Variants in SLC16A9 observed in about 807,000 individuals in gnomAD.
SLC16A9 encodes the protein monocarboxylate transporter 9.
SLC16A9 carries 26 observed loss-of-function variants against 44.3 expected under a neutral mutation model. The ratio of observed to expected loss-of-function variants is 0.59; its 90% CI spans 0.43 to 0.81. The LOEUF (loss-of-function observed/expected upper bound fraction) is 0.81, where lower values mean the gene tolerates loss of function less well. Among genes scored for constraint, SLC16A9 ranks in the 40% least tolerant of loss-of-function variants. The pLI is 0.00. For missense variants in SLC16A9, 559 were observed against 595.8 expected (o/e 0.94, Z 0.64); for synonymous variants, 230 against 225.1 (o/e 1.02, Z -0.19).
intron 1 of SLC16A9, among the ~76,000 whole-genome samples, chr10:59,694,310 G>A (rs769675670): frequency 6.6e-6 from 1 of 152,106 alleles, no homozygotes; most frequent in Non-Finnish European, 1.5e-5. Flanking sequence ...CAGAAATCAA[G>A]ATGGGATTAA....
At chr10:59,664,179 T>C (rs748049512) in intron 4 of SLC16A9, 48 bp downstream of exon 4, 3 of 1,374,642 alleles carry the variant, frequency 2.2e-6, no homozygotes, top group East Asian at 4.8e-5. Context: ...TTTTACTTTG[T>C]TTAGAAGACT....
intron 2 of SLC16A9, among the ~76,000 whole-genome samples, chr10:59,678,890 G>A (rs1433618610): frequency 6.6e-6 from 1 of 152,112 alleles, no homozygotes; most frequent in African/African-American, 2.4e-5. Flanking sequence ...CAATGCAACA[G>A]AATCCTTGAG....
intron 4 of SLC16A9, among the ~76,000 whole-genome samples, chr10:59,655,186 A>G (rs1839322043): frequency 6.6e-6 from 1 of 152,094 alleles, no homozygotes. Flanking sequence ...GCTACTTGGG[A>G]GGCTGAGGCA....
intron 1 of SLC16A9, among the ~76,000 whole-genome samples, chr10:59,686,518 T>C (rs1840137717): frequency 6.6e-6 from 1 of 152,198 alleles, no homozygotes; most frequent in Non-Finnish European, 1.5e-5. Flanking sequence ...CAATATTTCA[T>C]TGTATTGTAT....
chr10:59,707,664 T>C (rs1361161883), intron 1 of SLC16A9, among the ~76,000 whole-genome samples: 2 of 151,820 alleles, frequency 1.3e-5, no homozygotes, highest in Non-Finnish European at 2.9e-5. Flanking sequence ...CATTCTACAA[T>C]GTATTACTGT....
intron 2 of SLC16A9, among the ~76,000 whole-genome samples, chr10:59,678,242 A>G (rs1839902743): frequency 6.6e-6 from 1 of 152,094 alleles, no homozygotes; most frequent in South Asian, 2.1e-4. Flanking sequence ...GGATTTCCTA[A>G]CAGAGTGGAT....
rs748137087 is a variant in SLC16A9 at position 59,652,823 on chromosome 10, G to A, written c.1479C>T (p.Leu493=). The A allele has an allele frequency of 6.2e-7, 1 of 1,613,906 alleles. No individual in the cohort carries two copies. Among genetic ancestry groups the A allele is most frequent in the Non-Finnish European group, 8.5e-7 (1 of 1,179,904 alleles). ...AGAAAGTTGTTGGAGCTGGCTTGGG[G>A]AGTTGCTTGTTGCATGTATCCCAAG... ...LPSWDTCNKQ[L]PKPAPTTFLY... The change falls in exon 6 of 6, where the codon CTC becomes CTT. Residue 493 remains leucine (L), a synonymous_variant. Coordinates refer to ENST00000395348, the MANE Select transcript of SLC16A9 (RefSeq NM_194298.3).
Position 59,664,372 on chromosome 10 carries a change from G to A in SLC16A9, c.341-50C>T, listed in dbSNP as rs756064875. Reference sequence around the variant, plus strand: ...AATTAAGACGCTGCATTACTTCAATGCAAGAGAAAAAAGGAAAAACAAGTA... The same window carrying A: ...AATTAAGACGCTGCATTACTTCAATACAAGAGAAAAAAGGAAAAACAAGTA... On this transcript the variant is annotated intron_variant, in intron 3 of 5. Transcript: ENST00000395348. The A allele has an allele frequency of 4.5e-6, 6 of 1,319,278 alleles. No individual in the cohort carries two copies. The African/African-American group carries it at 6.0e-5, about 13-fold the overall frequency. 81.7% of individuals were successfully genotyped at this position (1,319,278 alleles called of 1,614,324 possible).
chr10:59,700,286 T>A (rs1016740563), intron 1 of SLC16A9, among the ~76,000 whole-genome samples: 1 of 152,168 alleles, frequency 6.6e-6, no homozygotes, highest in African/African-American at 2.4e-5. Context: ...GTTATTAGGG[T>A]ACCTGTTGGT....
intron 1 of SLC16A9, among the ~76,000 whole-genome samples, chr10:59,699,901 A>AACACAC (rs57820696): frequency 0.014 from 2,004 of 147,630 alleles, 33 homozygotes; most frequent in African/African-American, 0.035. Flanking sequence ...CTGCACTGAA[A>AACACAC]ACACACACAC....
At chr10:59,673,836 A>C (rs922968323) in intron 2 of SLC16A9, among the ~76,000 whole-genome samples, 4 of 152,236 alleles carry the variant, frequency 2.6e-5, no homozygotes, top group Non-Finnish European at 4.4e-5. Context: ...ATGGCAGTGA[A>C]AATGATCTAC....
Position 59,653,863 on chromosome 10 carries a change from G to C in SLC16A9, c.1163C>G (p.Ala388Gly). The C allele has an allele frequency of 6.2e-7, 1 of 1,614,116 alleles. No individual in the cohort carries two copies. The highest frequency in any genetic ancestry group is 8.5e-7 in the Non-Finnish European group (1 of 1,180,020). ...TLIIMGLALC[A>G]IPFAKSYVTL... Reference sequence around the variant, plus strand: ...GACATAGCTTTTGGCAAATGGAATTGCACACAAGGCTAGGCCCATGATGAT... The same window carrying C: ...GACATAGCTTTTGGCAAATGGAATTCCACACAAGGCTAGGCCCATGATGAT... Residue 388 changes from alanine (A) to glycine (G), a missense_variant, in exon 5 of 6, where the codon GCA becomes GGA. Coordinates refer to ENST00000395348, the MANE Select transcript of SLC16A9 (RefSeq NM_194298.3).
intron 2 of SLC16A9, among the ~76,000 whole-genome samples, chr10:59,675,461 T>C (rs901755935): frequency 2.0e-5 from 3 of 152,140 alleles, no homozygotes; most frequent in Non-Finnish European, 4.4e-5. Context: ...CAGGTGATGG[T>C]CAGATGTTTA....
chr10:59,660,629 G>A (rs1839452004), intron 4 of SLC16A9, among the ~76,000 whole-genome samples: 1 of 152,096 alleles, frequency 6.6e-6, no homozygotes, highest in Non-Finnish European at 1.5e-5. Flanking sequence ...TAGAAAAACA[G>A]GGACTCCTCC....
chr10:59,688,473 A>C (rs1016176616), intron 1 of SLC16A9, among the ~76,000 whole-genome samples: 10 of 152,126 alleles, frequency 6.6e-5, no homozygotes, highest in African/African-American at 2.4e-4. Context: ...AAATCTAGAC[A>C]CTCAAACCAT....
intron 5 of SLC16A9, among the ~76,000 whole-genome samples, chr10:59,653,444 A>AAAAAAAAAAAAAAAAAC (rs1564693243): frequency 6.7e-6 from 1 of 149,020 alleles, no homozygotes; most frequent in African/African-American, 2.5e-5. Context: ...AAAAAAAAAA[A>AAAAAAAAAAAAAAAAAC]AGCAGGCATT....
At chr10:59,695,951 G>A (rs1279637090) in intron 1 of SLC16A9, among the ~76,000 whole-genome samples, 3 of 152,144 alleles carry the variant, frequency 2.0e-5, no homozygotes, top group Admixed American at 6.5e-5. Context: ...CCATGAAGAT[G>A]GGGTAGACAG....
intron 1 of SLC16A9, among the ~76,000 whole-genome samples, chr10:59,690,081 G>A (rs575528286): frequency 1.3e-5 from 2 of 152,264 alleles, no homozygotes; most frequent in East Asian, 3.9e-4. Context: ...CAGCTACTTG[G>A]GAGGCTGAGG....
At chr10:59,698,388 A>G (rs1347901058) in intron 1 of SLC16A9, among the ~76,000 whole-genome samples, 1 of 152,294 alleles carries the variant, frequency 6.6e-6, no homozygotes, top group Non-Finnish European at 1.5e-5. Context: ...GGTGGTGGCA[A>G]TGCTATTAAC....
Sources: allele counts gnomAD v4.1 joint callset (sites outside exome capture counted in the v4.1 genomes callset), GRCh38; gene constraint gnomAD v4.1.1; transcripts MANE v1.5; gene names NCBI Gene and HGNC (gene_info 2026-07-23, HGNC 2026-07-21).